Variants in TTC27 observed in about 807,000 individuals in gnomAD.
TTC27 encodes tetratricopeptide repeat domain 27, also known as tetratricopeptide repeat protein 27.
A neutral mutation model predicts 115.9 loss-of-function variants in TTC27; 79 were observed. The observed-to-expected ratio is 0.68, with a 90% CI of 0.57 to 0.82. TTC27 has a LOEUF of 0.82. Among genes scored for constraint, TTC27 ranks in the 40% least tolerant of loss-of-function variants. The probability of loss-of-function intolerance (pLI) is 0.00; values close to 1 mark genes in which losing one functional copy is unlikely to be tolerated. For missense variants in TTC27, 1,054 were observed against 993.1 expected (o/e 1.06, Z -0.82); for synonymous variants, 401 against 356.0 (o/e 1.13, Z -1.42).
chr2:32,781,087 T>C (rs79255723), intron 14 of TTC27, among the ~76,000 whole-genome samples: 1,766 of 152,300 alleles, frequency 0.012, 26 homozygotes, highest in African/African-American at 0.041. Flanking sequence ...CAAGCTTCCA[T>C]TGATGAGGGA....
intron 3 of TTC27, among the ~76,000 whole-genome samples, chr2:32,639,558 A>C (rs1664560907): frequency 6.6e-6 from 1 of 152,208 alleles, no homozygotes; most frequent in African/African-American, 2.4e-5. Context: ...AGTGAAATGT[A>C]GGTGTTTAAT....
chr2:32,781,982 G>T (rs1670193921), intron 14 of TTC27, among the ~76,000 whole-genome samples: 1 of 152,116 alleles, frequency 6.6e-6, no homozygotes, highest in African/African-American at 2.4e-5. Context: ...TAATTTTTGA[G>T]TCATATGTGT....
chr2:32,700,112 G>A (rs1366935926), intron 9 of TTC27, among the ~76,000 whole-genome samples: 1 of 152,198 alleles, frequency 6.6e-6, no homozygotes, highest in Non-Finnish European at 1.5e-5. Context: ...GGGATTTTCT[G>A]TTAAGGGTGA....
intron 13 of TTC27, among the ~76,000 whole-genome samples, chr2:32,763,265 C>T (rs922447882): frequency 2.0e-5 from 3 of 152,188 alleles, no homozygotes; most frequent in African/African-American, 7.2e-5. Context: ...ACTGTAGACT[C>T]ATTTTAACTG....
chr2:32,692,700 G>A (rs1376487281), intron 9 of TTC27, among the ~76,000 whole-genome samples: 3 of 152,090 alleles, frequency 2.0e-5, no homozygotes, highest in Admixed American at 6.5e-5. Context: ...GGTGGGGCAC[G>A]GTGGTTTACA....
chr2:32,649,946 T>C (rs1023833806), intron 4 of TTC27, among the ~76,000 whole-genome samples, 185 bp from the exon 5 acceptor site: 1 of 152,082 alleles, frequency 6.6e-6, no homozygotes, highest in African/African-American at 2.4e-5. Context: ...AGGTGAGGTG[T>C]TATTCTTATG....
At chr2:32,811,466 G>T (rs1274574181) in intron 17 of TTC27, among the ~76,000 whole-genome samples, 2 of 151,994 alleles carry the variant, frequency 1.3e-5, no homozygotes, top group African/African-American at 4.8e-5. Context: ...CCTGCAAAAG[G>T]GCCTCTTGAA....
chr2:32,813,777 A>G (rs932718455), intron 18 of TTC27, among the ~76,000 whole-genome samples: 2 of 152,236 alleles, frequency 1.3e-5, no homozygotes, highest in African/African-American at 4.8e-5. Context: ...TTGACCTTTG[A>G]TATCTTTGAC....
At chr2:32,748,767 A>G (rs1032857027) in intron 12 of TTC27, among the ~76,000 whole-genome samples, 1 of 148,562 alleles carries the variant, frequency 6.7e-6, no homozygotes, top group African/African-American at 2.5e-5. Flanking sequence ...GGCTCACTGC[A>G]GCCTCTGCCT....
At chr2:32,752,516 A>T (rs1288103408) in intron 12 of TTC27, among the ~76,000 whole-genome samples, 1 of 152,204 alleles carries the variant, frequency 6.6e-6, no homozygotes, top group Non-Finnish European at 1.5e-5. Flanking sequence ...ATTTCTGATG[A>T]ATATCTTAAT....
chr2:32,645,704 C>A (rs933370820), intron 4 of TTC27, among the ~76,000 whole-genome samples: 2 of 151,922 alleles, frequency 1.3e-5, no homozygotes, highest in African/African-American at 4.8e-5. Context: ...CCCGCCTCCC[C>A]CCAATTTTTT....
intron 9 of TTC27, among the ~76,000 whole-genome samples, chr2:32,692,036 G>T (rs527550367): frequency 1.5e-4 from 9 of 61,206 alleles, no homozygotes; most frequent in South Asian, 8.8e-4. Context: ...AATTTTTTAG[G>T]TTTTTTTTTT....
At chr2:32,672,577 T>C (rs575823431) in intron 8 of TTC27, among the ~76,000 whole-genome samples, 193 bp downstream of exon 8, 1 of 152,362 alleles carries the variant, frequency 6.6e-6, no homozygotes, top group East Asian at 1.9e-4. Context: ...TGAGTTGATA[T>C]ATCTATTCTT....
chr2:32,729,196 C>A (rs1197827160), intron 10 of TTC27, among the ~76,000 whole-genome samples: 3 of 152,184 alleles, frequency 2.0e-5, no homozygotes, highest in Non-Finnish European at 4.4e-5. Context: ...GGGACTATCT[C>A]TATTCTTTTG....
chr2:32,711,832 C>T (rs1667591237), intron 10 of TTC27, among the ~76,000 whole-genome samples: 1 of 151,942 alleles, frequency 6.6e-6, no homozygotes, highest in Non-Finnish European at 1.5e-5. Context: ...CCCAGCTACT[C>T]AGGAAGCTGA....
At chr2:32,702,037 A>G (rs1260164918) in intron 9 of TTC27, among the ~76,000 whole-genome samples, 8 of 149,336 alleles carry the variant, frequency 5.4e-5, no homozygotes, top group Non-Finnish European at 1.0e-4. Context: ...AAAAACAAAA[A>G]AAACCAGCTA....
chr2:32,666,235 T>C lies in TTC27; in HGVS notation c.806-400T>C, dbSNP rs116967379. Among the ~76,000 whole-genome samples the C allele has an allele frequency of 5.6e-4, 86 of 152,350 alleles. No individual in the cohort carries two copies. In the East Asian group the frequency reaches 0.016, roughly 29 times the overall value. ...ACCAAAAGATCCTGGCTTTAAGCTC[T>C]GGTTCTGATGCTGAGAAGCCCTGTG... On this transcript the variant is annotated intron_variant, in intron 6 of 19. Transcript: ENST00000317907.
intron 9 of TTC27, among the ~76,000 whole-genome samples, chr2:32,693,376 C>T (rs1302071679): frequency 5.9e-5 from 9 of 152,166 alleles, no homozygotes; most frequent in African/African-American, 1.7e-4. Context: ...GGAATTTCTC[C>T]GGCTCCACCC....
intron 12 of TTC27, among the ~76,000 whole-genome samples, chr2:32,751,869 T>C (rs1049019984): frequency 6.6e-6 from 1 of 152,144 alleles, no homozygotes; most frequent in Non-Finnish European, 1.5e-5. Context: ...TGAGAGACAA[T>C]GTCTTATCAT....
Sources: gnomAD v4.1 joint callset for allele counts (sites outside exome capture counted in the v4.1 genomes callset) on GRCh38, gnomAD v4.1.1 for gene constraint, MANE v1.5 for transcripts, NCBI Gene and HGNC (gene_info 2026-07-23, HGNC 2026-07-21) for gene names.